The following NR3C2 variants were observed in gnomAD, a reference collection of about 807,000 sequenced individuals.
The protein encoded by NR3C2 is mineralocorticoid receptor.
In NR3C2, 15 loss-of-function variants were observed where a neutral mutation model predicts 86.4. The ratio of observed to expected loss-of-function variants is 0.17; its 90% CI spans 0.12 to 0.27. The LOEUF is 0.27. Among genes scored for constraint, NR3C2 ranks in the 10% least tolerant of loss-of-function variants. NR3C2 has a pLI of 1.00. For missense variants in NR3C2, 960 were observed against 1,195.6 expected, an observed-to-expected ratio of 0.80 and a Z score of 2.91; for synonymous variants, 458 against 450.5, an observed-to-expected ratio of 1.02 and a Z score of -0.21.
chr4:148,186,988 GTATGTATGTATATATA>G (rs1254064077), intron 4 of NR3C2, among the ~76,000 whole-genome samples: 19 of 13,694 alleles, frequency 1.4e-3, no homozygotes, highest in South Asian at 8.1e-3. Flanking sequence ...ACTGATGTGT[GTATGTATGTATATATA>G]TATATATATA....
intron 2 of NR3C2, among the ~76,000 whole-genome samples, chr4:148,329,748 C>T (rs1292229463): frequency 6.6e-6 from 1 of 152,184 alleles, no homozygotes; most frequent in Admixed American, 6.5e-5. Flanking sequence ...AAGCAATTTG[C>T]CCAAGATGAT....
intron 2 of NR3C2, among the ~76,000 whole-genome samples, chr4:148,277,780 C>G (rs1741031442): frequency 6.6e-6 from 1 of 152,282 alleles, no homozygotes; most frequent in South Asian, 2.1e-4. Context: ...CCACCCCACA[C>G]CAGCATTCAT....
intron 2 of NR3C2, among the ~76,000 whole-genome samples, chr4:148,279,830 A>C (rs1320196424): frequency 6.6e-6 from 1 of 151,928 alleles, no homozygotes; most frequent in Non-Finnish European, 1.5e-5. Flanking sequence ...GGTTCAAGTG[A>C]TTTTCCTGCC....
At chr4:148,204,616 G>A (rs565926196) in intron 3 of NR3C2, among the ~76,000 whole-genome samples, 14 of 152,118 alleles carry the variant, frequency 9.2e-5, no homozygotes, top group African/African-American at 2.9e-4. Context: ...CTCTGTCTAC[G>A]GTCCATCCAT....
intron 2 of NR3C2, among the ~76,000 whole-genome samples, chr4:148,382,632 A>G (rs563432598): frequency 6.6e-6 from 1 of 152,310 alleles, no homozygotes; most frequent in Non-Finnish European, 1.5e-5. Flanking sequence ...AATGTCTATA[A>G]TTTCCATGAC....
intron 8 of NR3C2, among the ~76,000 whole-genome samples, chr4:148,100,259 G>C (rs571958827): frequency 1.4e-4 from 21 of 152,082 alleles, no homozygotes; most frequent in Non-Finnish European, 2.5e-4. Context: ...GACGATCTTG[G>C]CACCAAAACA....
chr4:148,147,839 G>T (rs148334638), intron 6 of NR3C2, among the ~76,000 whole-genome samples: 86 of 152,322 alleles, frequency 5.6e-4, no homozygotes, highest in African/African-American at 2.0e-3. Context: ...TAAGGCATTG[G>T]CAGGCAATGT....
chr4:148,147,121 CTA>C (rs1237961129), intron 6 of NR3C2, among the ~76,000 whole-genome samples: 1 of 152,096 alleles, frequency 6.6e-6, no homozygotes, highest in East Asian at 1.9e-4. Flanking sequence ...AAGAAAAGTT[CTA>C]TGTTAATTTA....
chr4:148,418,515 C>T (rs17484991), intron 2 of NR3C2, among the ~76,000 whole-genome samples: 33,132 of 147,722 alleles, frequency 0.22, 3,799 homozygotes, highest in Non-Finnish European at 0.27. Context: ...AGAAGAATTT[C>T]CTCTCTCTAC....
chr4:148,375,433 G>A (rs997002380), intron 2 of NR3C2, among the ~76,000 whole-genome samples: 4 of 151,072 alleles, frequency 2.6e-5, no homozygotes, highest in African/African-American at 9.8e-5. Flanking sequence ...TCTGGCCTGG[G>A]CGACAGAGCA....
In NR3C2 at chr4:148,436,179, G is replaced by A; in HGVS notation, c.682C>T (p.Pro228Ser). 1.9e-6 allele frequency: 3 copies of A among 1,614,164 alleles called. No individual in the cohort carries two copies. Among genetic ancestry groups the A allele is most frequent in the South Asian group, 1.1e-5 (1 of 91,082 alleles). ...ASFGSFPVHS[P>S]ITQGTPLTCS... Reference sequence around the variant, plus strand: ...GTCAGAGGAGTTCCCTGGGTGATTGGGCTGTGCACTGGAAAACTGCCAAAG... The same window carrying A: ...GTCAGAGGAGTTCCCTGGGTGATTGAGCTGTGCACTGGAAAACTGCCAAAG... Residue 228 changes from proline (P) to serine (S), a missense_variant, in exon 2 of 9, where the codon CCA (proline) becomes TCA (serine). Pro to Ser is a moderately conservative substitution (Grantham distance 74). Transcript: ENST00000358102.
chr4:148,413,567 G>A (rs535618103), intron 2 of NR3C2, among the ~76,000 whole-genome samples: 1 of 151,986 alleles, frequency 6.6e-6, no homozygotes, highest in African/African-American at 2.4e-5. Flanking sequence ...TAGACTGGGA[G>A]AGCATATTTT....
chr4:148,147,332 G>A (rs1171506410), intron 6 of NR3C2, among the ~76,000 whole-genome samples: 2 of 152,170 alleles, frequency 1.3e-5, no homozygotes, highest in Non-Finnish European at 2.9e-5. Flanking sequence ...ATATTGCAAT[G>A]TCTCTGTTCA....
chr4:148,207,020 C>T (rs1384725259), intron 3 of NR3C2, among the ~76,000 whole-genome samples: 3 of 152,200 alleles, frequency 2.0e-5, no homozygotes, highest in Non-Finnish European at 4.4e-5. Context: ...CTTCCAGCCT[C>T]CAGCACTCCT....
intron 2 of NR3C2, among the ~76,000 whole-genome samples, chr4:148,429,592 CT>C (rs1208583731): frequency 6.6e-6 from 1 of 152,152 alleles, no homozygotes; most frequent in Non-Finnish European, 1.5e-5. Flanking sequence ...TTAACAAGTG[CT>C]TATATGTAAT....
chr4:148,172,401 T>A (rs1485057459), intron 4 of NR3C2, among the ~76,000 whole-genome samples: 2 of 152,186 alleles, frequency 1.3e-5, no homozygotes, highest in African/African-American at 2.4e-5. Flanking sequence ...CAGTATATTA[T>A]CATTTAAGAA....
At position 148,082,019 on chromosome 4, in the gene NR3C2, A is replaced by G. The variant is rs1266553305; in HGVS notation, c.2800-520T>C. 2.6e-5 allele frequency among the ~76,000 whole-genome samples: 4 copies of G among 152,340 alleles called. No individual in the cohort carries two copies. In the East Asian group the frequency reaches 7.7e-4, roughly 29 times the overall value. On this transcript the variant is annotated intron_variant, in intron 8 of 8. Transcript: ENST00000358102. ...GGGCCCGCCAATGGAGCTGCCGCCA[A>G]GGGGCCAGCTGGCACTTCCACCTGC...
chr4:148,248,273 TA>T (rs907462003), intron 3 of NR3C2, among the ~76,000 whole-genome samples: 2 of 152,234 alleles, frequency 1.3e-5, no homozygotes, highest in African/African-American at 4.8e-5. Flanking sequence ...GCTTTCAGTT[TA>T]TATTGTATTC....
intron 2 of NR3C2, among the ~76,000 whole-genome samples, chr4:148,296,201 G>T (rs1168999820): frequency 2.6e-5 from 4 of 151,858 alleles, no homozygotes; most frequent in Admixed American, 2.6e-4. Flanking sequence ...CATTTTAAAA[G>T]ATTATTTTAA....
Sources: allele counts gnomAD v4.1 joint callset (sites outside exome capture counted in the v4.1 genomes callset), GRCh38; gene constraint gnomAD v4.1.1; transcripts MANE v1.5; gene names NCBI Gene and HGNC (gene_info 2026-07-23, HGNC 2026-07-21).